Variants in STX8 observed in about 807,000 individuals in gnomAD.
The protein encoded by STX8 is syntaxin 8, also known as syntaxin-8.
A neutral mutation model predicts 37.5 loss-of-function variants in STX8; 23 were observed. The ratio of observed to expected loss-of-function variants is 0.61; its 90% CI spans 0.44 to 0.87. The LOEUF (loss-of-function observed/expected upper bound fraction) is 0.87, where lower values mean the gene tolerates loss of function less well. Among genes scored for constraint, STX8 ranks in the 40% least tolerant of loss-of-function variants. The probability of loss-of-function intolerance (pLI) is 0.00; values close to 1 mark genes in which losing one functional copy is unlikely to be tolerated. For synonymous variants in STX8, 115 were observed against 99.1 expected (o/e 1.16, Z -0.95); for missense variants, 313 against 284.7 (o/e 1.10, Z -0.71).
intron 4 of STX8, among the ~76,000 whole-genome samples, chr17:9,534,991 G>C (rs1335916261): frequency 6.6e-6 from 1 of 152,102 alleles, no homozygotes; most frequent in Non-Finnish European, 1.5e-5. Context: ...TCTTACATCT[G>C]AAGATGAGAA....
chr17:9,381,342 A>G (rs1911811542), intron 6 of STX8, among the ~76,000 whole-genome samples: 1 of 151,980 alleles, frequency 6.6e-6, no homozygotes, highest in African/African-American at 2.4e-5. Flanking sequence ...TTTTTCTTAA[A>G]GCATTAAGTA....
At chr17:9,288,776 G>A (rs1307038298) in intron 7 of STX8, among the ~76,000 whole-genome samples, 1 of 151,824 alleles carries the variant, frequency 6.6e-6, no homozygotes, top group Non-Finnish European at 1.5e-5. Context: ...ATGAAAGACA[G>A]AAGAGAAAAT....
chr17:9,252,027 G>A (rs573978149), intron 7 of STX8, among the ~76,000 whole-genome samples: 1 of 152,062 alleles, frequency 6.6e-6, no homozygotes, highest in Admixed American at 6.5e-5. Context: ...AAAATAGGCC[G>A]GGCACGGTGC....
intron 4 of STX8, among the ~76,000 whole-genome samples, chr17:9,520,160 G>A (rs948906414): frequency 1.1e-4 from 16 of 152,124 alleles, no homozygotes; most frequent in African/African-American, 3.9e-4. Context: ...GAAAACCATT[G>A]AGGTTTTTAA....
chr17:9,523,311 CAAA>C (rs34297134), intron 4 of STX8, among the ~76,000 whole-genome samples: 4 of 123,246 alleles, frequency 3.2e-5, no homozygotes, highest in African/African-American at 9.7e-5. Flanking sequence ...GACTCCATCT[CAAA>C]AAAAAAAAAA....
intron 5 of STX8, among the ~76,000 whole-genome samples, chr17:9,496,079 T>G (rs367743015): frequency 9.8e-6 from 1 of 102,126 alleles, no homozygotes; most frequent in Non-Finnish European, 2.1e-5. Flanking sequence ...CTTTCTCTTT[T>G]TTTTTTTTTT....
At chr17:9,257,348 C>T (rs1381714022) in intron 7 of STX8, among the ~76,000 whole-genome samples, 1 of 152,144 alleles carries the variant, frequency 6.6e-6, no homozygotes, top group East Asian at 1.9e-4. Flanking sequence ...GAGTCATGGT[C>T]CATACTTTTT....
chr17:9,403,868 G>A (rs1873358278), intron 6 of STX8, among the ~76,000 whole-genome samples: 3 of 152,058 alleles, frequency 2.0e-5, no homozygotes, highest in South Asian at 2.1e-4. Context: ...GGCTGGTCTC[G>A]AACTCCTGAC....
chr17:9,509,268 T>A (rs1287875658), intron 4 of STX8, among the ~76,000 whole-genome samples: 1 of 151,488 alleles, frequency 6.6e-6, no homozygotes, highest in Non-Finnish European at 1.5e-5. Context: ...CAAACAACAA[T>A]GACAAAAAGA....
Position 9,313,965 on chromosome 17 carries a change from GTCTC to G in STX8, c.644-63324_644-63321del, listed in dbSNP as rs959720970. On this transcript the variant is annotated intron_variant, in intron 7 of 7. Transcript: ENST00000306357. ...AATTCCCATAACAGTTTACCTATAG[GTCTC>G]TCTATTTACTTTAAGTTCTCATAAG... is the stretch of plus-strand genomic sequence containing the variant. Among the ~76,000 whole-genome samples, 35 of 152,170 alleles carry G rather than the reference GTCTC, an allele frequency of 2.3e-4. 1 individual carries two copies. The highest frequency in any genetic ancestry group is 1.6e-3 in the Admixed American group (24 of 15,278).
chr17:9,312,253 G>C (rs956567522), intron 7 of STX8, among the ~76,000 whole-genome samples: 1 of 151,758 alleles, frequency 6.6e-6, no homozygotes, highest in African/African-American at 2.4e-5. Flanking sequence ...CCAGGCTGGA[G>C]TGCAGTGGCG....
intron 6 of STX8, among the ~76,000 whole-genome samples, chr17:9,478,833 G>A (rs993684233): frequency 6.6e-6 from 1 of 152,112 alleles, no homozygotes; most frequent in African/African-American, 2.4e-5. Flanking sequence ...CGTTTTCCCT[G>A]CGACTCTTCA....
intron 7 of STX8, among the ~76,000 whole-genome samples, chr17:9,291,020 A>G (rs1461158443): frequency 6.6e-6 from 1 of 152,240 alleles, no homozygotes. Context: ...GAGGATCCAG[A>G]AGTAGAATCA....
At chr17:9,504,962 A>C in intron 5 of STX8, 76 bp downstream of exon 5, 1 of 527,732 alleles carries the variant, frequency 1.9e-6, no homozygotes. Context: ...CGACATAGCA[A>C]GACTCCGTCT....
At chr17:9,349,781 CCTT>C (rs1012007816) in intron 7 of STX8, among the ~76,000 whole-genome samples, 2 of 151,984 alleles carry the variant, frequency 1.3e-5, no homozygotes, top group Admixed American at 1.3e-4. Flanking sequence ...TACTCCTCCT[CCTT>C]CTTGTGATAA....
intron 4 of STX8, among the ~76,000 whole-genome samples, chr17:9,536,086 T>C (rs577125710): frequency 1.3e-5 from 2 of 152,344 alleles, no homozygotes; most frequent in Admixed American, 6.5e-5. Flanking sequence ...CCAAAAATTA[T>C]TGAGAGTAAT....
intron 3 of STX8, among the ~76,000 whole-genome samples, chr17:9,555,936 G>A (rs1010789542): frequency 1.3e-5 from 2 of 151,938 alleles, no homozygotes; most frequent in Non-Finnish European, 2.9e-5. Context: ...ATGGTGCAGT[G>A]AGTATATTAG....
chr17:9,532,910 T>A (rs1297229829), intron 4 of STX8, among the ~76,000 whole-genome samples: 1 of 152,188 alleles, frequency 6.6e-6, no homozygotes, highest in African/African-American at 2.4e-5. Flanking sequence ...AAAAAGATGA[T>A]GCAGCATAAA....
At chr17:9,572,273 T>A (rs537294131) in intron 1 of STX8, among the ~76,000 whole-genome samples, 189 of 152,294 alleles carry the variant, frequency 1.2e-3, no homozygotes, top group African/African-American at 4.0e-3. Flanking sequence ...AGCTTACCAC[T>A]TGCTTTGATA....
Sources: allele counts gnomAD v4.1 joint callset (sites outside exome capture counted in the v4.1 genomes callset), GRCh38; gene constraint gnomAD v4.1.1; transcripts MANE v1.5; gene names NCBI Gene and HGNC (gene_info 2026-07-23, HGNC 2026-07-21).